Variants in SLC36A1 observed in about 807,000 individuals in gnomAD.
SLC36A1 encodes proton-coupled amino acid transporter 1.
A neutral mutation model predicts 47.5 loss-of-function variants in SLC36A1; 30 were observed. The observed-to-expected ratio is 0.63, with a 90% CI of 0.47 to 0.86. The LOEUF is 0.86. Ranked by LOEUF, SLC36A1 falls within the 40% of genes least tolerant of loss-of-function variation. The pLI, the probability that SLC36A1 is intolerant of heterozygous loss-of-function variation, is 0.00. For missense variants in SLC36A1, 517 were observed against 606.0 expected (o/e 0.85, Z 1.54); for synonymous variants, 255 against 249.7 (o/e 1.02, Z -0.20).
At chr5:151,534,750 C>T in the SLC36A1 span, 2 of 917,458 alleles carry the variant, frequency 2.2e-6, no homozygotes, top group Non-Finnish European at 1.7e-6. Flanking sequence ...GAGTTTTGTT[C>T]ACAGCAAGGA....
the SLC36A1 span, among the ~76,000 whole-genome samples, chr5:151,508,897 T>G: frequency 1.3e-5 from 2 of 152,120 alleles, no homozygotes; most frequent in East Asian, 3.9e-4. Context: ...CTAGGCCCAT[T>G]CTTGGAGATT....
At chr5:151,553,155 T>G in the SLC36A1 span, 1 of 1,611,448 alleles carries the variant, frequency 6.2e-7, no homozygotes, top group Non-Finnish European at 8.5e-7. Context: ...TGGCCCTTGT[T>G]GGGCCCTAGG....
At chr5:151,479,799 G>A (rs930105095) in intron 10 of SLC36A1, 1 of 524,020 alleles carries the variant, frequency 1.9e-6, no homozygotes, top group East Asian at 3.0e-5. Flanking sequence ...ATAAGGTAAA[G>A]GTCTGAAAGC....
chr5:151,449,458 C>T (rs73796585), intron 1 of SLC36A1, among the ~76,000 whole-genome samples: 2,307 of 152,306 alleles, frequency 0.015, 46 homozygotes, highest in African/African-American at 0.052. Flanking sequence ...AGCTTTAAGC[C>T]TCTCCCTTTG....
the SLC36A1 span, chr5:151,551,480 G>A: frequency 6.2e-7 from 1 of 1,614,134 alleles, no homozygotes; most frequent in African/African-American, 1.3e-5. Flanking sequence ...TGTGGCAATG[G>A]TGCGGGACCC....
chr5:151,465,216 G>A lies in SLC36A1; in HGVS notation c.419+47G>A, dbSNP rs372037669. 1.7e-5 allele frequency: 25 copies of A among 1,429,856 alleles called. No individual in the cohort carries two copies. The African/African-American group carries it at 2.5e-4, about 14-fold the overall frequency. 88.6% of individuals were successfully genotyped at this position (1,429,856 alleles called of 1,614,324 possible). A position where few individuals can be genotyped will look rare whatever the true frequency, so the allele number is the denominator to read the frequency against. On this transcript the variant is annotated intron_variant, in intron 5 of 10. Coordinates refer to ENST00000243389, the MANE Select transcript of SLC36A1 (RefSeq NM_078483.4). ...TTCAACTGTGGCCTCCCAGTGTGAG[G>A]CCTTCAGATGGGGAGGTGCAACGTG...
At chr5:151,373,394 A>G in the SLC36A1 span, among the ~76,000 whole-genome samples, 1 of 152,210 alleles carries the variant, frequency 6.6e-6, no homozygotes, top group Non-Finnish European at 1.5e-5. Flanking sequence ...AAACCTTGAA[A>G]GCAGCCAAGG....
At chr5:151,468,957 T>G (rs1362648607) in intron 7 of SLC36A1, among the ~76,000 whole-genome samples, 3 of 152,288 alleles carry the variant, frequency 2.0e-5, no homozygotes, top group African/African-American at 7.2e-5. Context: ...AGAGAACATC[T>G]GTATACAGAT....
At chr5:151,517,527 A>G in the SLC36A1 span, 1 of 1,481,790 alleles carries the variant, frequency 6.7e-7, no homozygotes, top group Non-Finnish European at 9.3e-7. Context: ...TTTCTTTGGC[A>G]GAAATGGGCT....
intron 10 of SLC36A1, chr5:151,479,952 T>A: frequency 1.6e-6 from 1 of 618,042 alleles, no homozygotes; most frequent in East Asian, 2.9e-5. Context: ...AGACATTTTT[T>A]AATGTCAGTC....
At chr5:151,414,899 T>C in the SLC36A1 span, 3 of 152,254 alleles carry the variant, frequency 2.0e-5, no homozygotes, top group Admixed American at 6.5e-5. Flanking sequence ...CAGCCACAGA[T>C]AGAAGCCTGG....
At chr5:151,402,201 A>G in the SLC36A1 span, among the ~76,000 whole-genome samples, 1,001 of 152,308 alleles carry the variant, frequency 6.6e-3, 9 homozygotes, top group South Asian at 0.011. Flanking sequence ...TTATGAAACA[A>G]TGTTGGATTT....
upstream of SLC36A1, among the ~76,000 whole-genome samples, chr5:151,444,036 T>C (rs149139087): frequency 9.2e-5 from 14 of 152,356 alleles, no homozygotes; most frequent in African/African-American, 3.4e-4. Context: ...ATATCTGTTT[T>C]TGTGCCAGTA....
At chr5:151,440,456 A>C (rs914566106) in intron 1 of SLC36A1, among the ~76,000 whole-genome samples, 1 of 151,838 alleles carries the variant, frequency 6.6e-6, no homozygotes, top group Non-Finnish European at 1.5e-5. Context: ...GTTCAGGAGG[A>C]TGGATCAGGG....
At chr5:151,543,735 A>G in the SLC36A1 span, 1 of 1,614,106 alleles carries the variant, frequency 6.2e-7, no homozygotes, top group African/African-American at 1.3e-5. Flanking sequence ...ACACAGGCAC[A>G]GTTGCTCGGA....
At chr5:151,507,655 C>T in the SLC36A1 span, 1 of 1,517,900 alleles carries the variant, frequency 6.6e-7, no homozygotes, top group Non-Finnish European at 8.9e-7. Context: ...TGAAATTGCC[C>T]TTTCCATGTC....
intron 8 of SLC36A1, among the ~76,000 whole-genome samples, chr5:151,474,183 A>AAAAAAAAAAAAAATTATCTTC (rs1561770143): frequency 1.0e-4 from 15 of 145,422 alleles, no homozygotes; most frequent in African/African-American, 4.2e-4. Context: ...AAAAAAAGAA[A>AAAAAAAAAAAAAATTATCTTC]TTATCTTCTG....
upstream of SLC36A1, among the ~76,000 whole-genome samples, chr5:151,435,779 T>C (rs1411594310): frequency 1.3e-5 from 2 of 151,638 alleles, no homozygotes; most frequent in African/African-American, 4.8e-5. Flanking sequence ...AAAAACATAA[T>C]AGGTGGAAGA....
At chr5:151,467,317 A>AC (rs1756569441) in intron 6 of SLC36A1, 34 bp downstream of exon 6, 3 of 1,388,650 alleles carry the variant, frequency 2.2e-6, no homozygotes, top group Admixed American at 2.2e-5. Context: ...AAAAAAAAAA[A>AC]AAACCAGAGC....
Sources: allele counts gnomAD v4.1 joint callset (sites outside exome capture counted in the v4.1 genomes callset), GRCh38; gene constraint gnomAD v4.1.1; transcripts MANE v1.5; gene names NCBI Gene and HGNC (gene_info 2026-07-23, HGNC 2026-07-21).